Variants in SORCS3 observed in about 807,000 individuals in gnomAD.
SORCS3 encodes sortilin related VPS10 domain containing receptor 3, also known as VPS10 domain-containing receptor SorCS3.
Under a neutral mutation model 146.3 loss-of-function variants are expected in SORCS3, and 57 were observed. That is an observed-to-expected ratio of 0.39 (90% CI 0.31 to 0.49). SORCS3 has a LOEUF of 0.49. SORCS3 is among the 20% of genes least tolerant of loss of function. The pLI is 0.92. For missense variants in SORCS3, 1,341 were observed against 1,575.5 expected, an observed-to-expected ratio of 0.85 and a Z score of 2.52; for synonymous variants, 653 against 618.5, an observed-to-expected ratio of 1.06 and a Z score of -0.83.
At chr10:105,103,864 A>G (rs1177547341) in intron 6 of SORCS3, among the ~76,000 whole-genome samples, 1 of 152,228 alleles carries the variant, frequency 6.6e-6, no homozygotes, top group Non-Finnish European at 1.5e-5. Context: ...TTCTAAATTA[A>G]TATGTGTAGT....
At chr10:104,983,144 C>T (rs1322177165) in intron 4 of SORCS3, among the ~76,000 whole-genome samples, 1 of 152,136 alleles carries the variant, frequency 6.6e-6, no homozygotes, top group African/African-American at 2.4e-5. Context: ...GGATTACAGG[C>T]ACCTGCCACC....
intron 1 of SORCS3, among the ~76,000 whole-genome samples, chr10:104,796,535 C>T (rs904188759): frequency 7.2e-5 from 11 of 151,818 alleles, no homozygotes; most frequent in Admixed American, 2.6e-4. Context: ...CATTTCCCTG[C>T]TTCACAATTA....
At chr10:104,925,462 A>G (rs1448746015) in intron 3 of SORCS3, among the ~76,000 whole-genome samples, 1 of 152,170 alleles carries the variant, frequency 6.6e-6, no homozygotes, top group Non-Finnish European at 1.5e-5. Flanking sequence ...CTCCAAGCCC[A>G]TCTGAGGCGC....
chr10:104,696,235 C>T (rs2016185452), intron 1 of SORCS3, among the ~76,000 whole-genome samples: 2 of 121,468 alleles, frequency 1.6e-5, no homozygotes, highest in Non-Finnish European at 3.2e-5. Context: ...TAATATATAT[C>T]ATATACACAT....
At chr10:104,653,105 A>G (rs750390397) in intron 1 of SORCS3, among the ~76,000 whole-genome samples, 2 of 152,234 alleles carry the variant, frequency 1.3e-5, no homozygotes, top group Non-Finnish European at 2.9e-5. Flanking sequence ...AGATGCTATC[A>G]CCAAACCTGG....
At chr10:104,767,761 C>A (rs2017198490) in intron 1 of SORCS3, among the ~76,000 whole-genome samples, 1 of 144,054 alleles carries the variant, frequency 6.9e-6, no homozygotes, top group Non-Finnish European at 1.5e-5. Flanking sequence ...TTCTGCTTCC[C>A]CTTCCCTTTC....
chr10:104,975,664 T>G (rs2054892130), intron 3 of SORCS3, among the ~76,000 whole-genome samples: 1 of 152,118 alleles, frequency 6.6e-6, no homozygotes, highest in African/African-American at 2.4e-5. Flanking sequence ...CAAACTATAC[T>G]ACAAGGCTAC....
intron 4 of SORCS3, among the ~76,000 whole-genome samples, chr10:104,982,715 A>G (rs969654193): frequency 3.9e-5 from 6 of 152,334 alleles, no homozygotes; most frequent in African/African-American, 1.4e-4. Flanking sequence ...GAGGTGTGCT[A>G]TCTTCATCAC....
chr10:104,722,831 T>C (rs1299408775), intron 1 of SORCS3, among the ~76,000 whole-genome samples: 2 of 152,208 alleles, frequency 1.3e-5, no homozygotes, highest in Non-Finnish European at 2.9e-5. Context: ...GATATCCCCT[T>C]TATCATTTTT....
At chr10:104,915,777 A>C (rs1047203109) in intron 2 of SORCS3, 56 bp from the exon 3 acceptor site, 51 of 1,478,022 alleles carry the variant, frequency 3.5e-5, no homozygotes, top group Non-Finnish European at 4.8e-5. Context: ...CCCTTTAGAC[A>C]TAGCTGCCCA....
At chr10:105,082,020 A>G (rs927550297) in intron 5 of SORCS3, among the ~76,000 whole-genome samples, 2 of 152,236 alleles carry the variant, frequency 1.3e-5, no homozygotes, top group African/African-American at 4.8e-5. Context: ...CCGTTCATTC[A>G]ACAAATATTT....
intron 3 of SORCS3, among the ~76,000 whole-genome samples, chr10:104,971,744 A>G (rs569218327): frequency 1.3e-5 from 2 of 152,320 alleles, no homozygotes; most frequent in South Asian, 4.1e-4. Context: ...AAAAGAAGAA[A>G]GTCAAAATGG....
At chr10:105,201,772 C>T (rs1458367952) in intron 16 of SORCS3, among the ~76,000 whole-genome samples, 1 of 152,170 alleles carries the variant, frequency 6.6e-6, no homozygotes, top group African/African-American at 2.4e-5. Flanking sequence ...CCCTGGCCTC[C>T]CCCTTCTCTT....
chr10:104,823,546 T>C (rs1379002394), intron 1 of SORCS3, among the ~76,000 whole-genome samples: 1 of 152,148 alleles, frequency 6.6e-6, no homozygotes, highest in Non-Finnish European at 1.5e-5. Flanking sequence ...AGTATCCTTC[T>C]CACTAGGCTT....
chr10:105,102,542 T>C (rs1197558230), intron 6 of SORCS3, among the ~76,000 whole-genome samples: 3 of 152,114 alleles, frequency 2.0e-5, no homozygotes, highest in African/African-American at 7.2e-5. Context: ...GGGAAGAGGT[T>C]GGGAGGAGGA....
At chr10:105,107,936 G>A (rs2055834202) in intron 7 of SORCS3, among the ~76,000 whole-genome samples, 1 of 152,118 alleles carries the variant, frequency 6.6e-6, no homozygotes, top group Non-Finnish European at 1.5e-5. Flanking sequence ...GAAGATAATT[G>A]TAGTACCTAC....
chr10:104,963,626 A>G (rs1481978248), intron 3 of SORCS3, among the ~76,000 whole-genome samples: 2 of 152,050 alleles, frequency 1.3e-5, no homozygotes, highest in African/African-American at 4.8e-5. Context: ...TCAGACTCTG[A>G]TGTCTCCTAG....
At chr10:104,973,303 C>T (rs961022823) in intron 3 of SORCS3, among the ~76,000 whole-genome samples, 13 of 150,560 alleles carry the variant, frequency 8.6e-5, no homozygotes, top group African/African-American at 2.7e-4. Flanking sequence ...TGGTAGAATT[C>T]GGCTGTGAAT....
At chr10:104,698,923 C>G (rs2016248592) in intron 1 of SORCS3, among the ~76,000 whole-genome samples, 1 of 152,026 alleles carries the variant, frequency 6.6e-6, no homozygotes, top group Non-Finnish European at 1.5e-5. Flanking sequence ...AACAAAGGAT[C>G]TTAGGTGCTA....
Sources: allele counts gnomAD v4.1 joint callset (sites outside exome capture counted in the v4.1 genomes callset), GRCh38; gene constraint gnomAD v4.1.1; transcripts MANE v1.5; gene names NCBI Gene and HGNC (gene_info 2026-07-23, HGNC 2026-07-21).